The following MTARC2 variants were observed in gnomAD, a reference collection of about 807,000 sequenced individuals.
MTARC2 encodes the protein mitochondrial amidoxime reducing component 2, also known as MOCO sulphurase C-terminal domain containing 2.
Under a neutral mutation model 35.6 loss-of-function variants are expected in MTARC2, and 27 were observed. That is an observed-to-expected ratio of 0.76 (90% CI 0.56 to 1.04). MTARC2 has a LOEUF of 1.04. Ranked by LOEUF, MTARC2 falls within the 50% of genes least tolerant of loss-of-function variation. The pLI is 0.00. For missense variants in MTARC2, 412 were observed against 432.5 expected (o/e 0.95, Z 0.42); for synonymous variants, 158 against 167.1 (o/e 0.95, Z 0.42).
intron 4 of MTARC2, among the ~76,000 whole-genome samples, chr1:220,771,929 A>G (rs1244969336): frequency 2.0e-5 from 3 of 152,226 alleles, no homozygotes; most frequent in Non-Finnish European, 4.4e-5. Context: ...ATTAAAAAAA[A>G]TTCTTCATCA....
chr1:220,763,198 G>A, intron 4 of MTARC2, 148 bp downstream of exon 4: 1 of 1,181,620 alleles, frequency 8.5e-7, no homozygotes, highest in Non-Finnish European at 1.2e-6. Flanking sequence ...TTGCGGAGTT[G>A]TTCACCCATT....
intron 4 of MTARC2, chr1:220,770,588 C>T: frequency 1.0e-6 from 1 of 982,662 alleles, no homozygotes; most frequent in South Asian, 4.7e-5. Flanking sequence ...AGACCATGAC[C>T]CCCCATACCT....
chr1:220,774,954 C>CGTGT (rs143387283), intron 4 of MTARC2, among the ~76,000 whole-genome samples: 1 of 150,076 alleles, frequency 6.7e-6, no homozygotes, highest in African/African-American at 2.4e-5. Context: ...CGTGTGTGTG[C>CGTGT]GTGTGTGTGT....
intron 1 of MTARC2, among the ~76,000 whole-genome samples, chr1:220,750,553 C>T (rs938840166): frequency 7.2e-5 from 11 of 152,142 alleles, no homozygotes; most frequent in Admixed American, 3.9e-4. Context: ...AACTGTATTA[C>T]CTTTCCCTTG....
intron 4 of MTARC2, among the ~76,000 whole-genome samples, chr1:220,765,308 A>C (rs1402579640): frequency 6.6e-6 from 1 of 152,032 alleles, no homozygotes; most frequent in Non-Finnish European, 1.5e-5. Flanking sequence ...ATGGGGGTAA[A>C]GGAGAAATGT....
Position 220,782,040 on chromosome 1 carries a change from A to G in MTARC2, c.*31+108A>G. 5 of 971,144 alleles carry G rather than the reference A, an allele frequency of 5.1e-6. No individual in the cohort carries two copies. In the South Asian group the frequency reaches 6.4e-5, roughly 12 times the overall value. 60.2% of individuals were successfully genotyped at this position (971,144 alleles called of 1,614,324 possible). A position where few individuals can be genotyped will look rare whatever the true frequency, so the allele number is the denominator to read the frequency against. ...TGCTTTAATTCTTGAGAGAATGAAC[A>G]GTTTTATATTCTGATCTTTGGAGTT... On this transcript the variant is annotated intron_variant, in intron 7 of 7. Transcript: ENST00000366913.
intron 4 of MTARC2, among the ~76,000 whole-genome samples, chr1:220,771,751 C>T (rs1025887874): frequency 8.7e-5 from 13 of 149,392 alleles, no homozygotes; most frequent in Non-Finnish European, 1.5e-4. Flanking sequence ...CAGGGCCTCT[C>T]GGGGGGTGGG....
In MTARC2 at chr1:220,748,510, C is replaced by G. The variant is rs1431740299; in HGVS notation, c.-22C>G. ...GTCGCTGCCGGGTCTGTGCGCCGGT[C>G]CGCGCCCGCCCTCGCTCTGCCATGG... On this transcript the variant is annotated 5_prime_UTR_variant, in exon 1 of 8. Coordinates refer to ENST00000366913, the MANE Select transcript of MTARC2 (RefSeq NM_017898.5). The G allele has an allele frequency of 6.5e-6, 9 of 1,377,270 alleles. No individual in the cohort carries two copies. Among genetic ancestry groups the G allele is most frequent in the African/African-American group, 1.5e-5 (1 of 65,238 alleles). 85.3% of individuals were successfully genotyped at this position (1,377,270 alleles called of 1,614,324 possible).
chr1:220,771,328 C>T (rs1671739659), intron 4 of MTARC2, among the ~76,000 whole-genome samples: 1 of 140,878 alleles, frequency 7.1e-6, no homozygotes, highest in Non-Finnish European at 1.5e-5. Flanking sequence ...AAGCCTTAGG[C>T]TTCTGTCTTT....
In MTARC2 at chr1:220,774,947, G is replaced by GAGAGTGTGTGTGTC. The variant is rs1346162518; in HGVS notation, c.751-5071_751-5070insAGAGTGTGTGTGTC. On this transcript the variant is annotated intron_variant, in intron 4 of 7. Coordinates refer to ENST00000366913, the MANE Select transcript of MTARC2 (RefSeq NM_017898.5). The stretch of plus-strand genomic sequence containing the variant: ...CAATTGTGTGTCTATATAGACCCGT[G>GAGAGTGTGTGTGTC]TGTGTGCGTGTGTGTGTGTGTGTGT... 7.5e-3 allele frequency among the ~76,000 whole-genome samples: 1,133 copies of GAGAGTGTGTGTGTC among 150,160 alleles called. 19 individuals carry two copies. Among genetic ancestry groups the GAGAGTGTGTGTGTC allele is most frequent in the African/African-American group, 0.027 (1,074 of 40,084 alleles).
intron 4 of MTARC2, among the ~76,000 whole-genome samples, chr1:220,763,509 C>G (rs2102553542): frequency 6.6e-6 from 1 of 152,292 alleles, no homozygotes; most frequent in Non-Finnish European, 1.5e-5. Context: ...GGCCTGAGTT[C>G]TCTCCCAGGG....
rs1041611227 is a variant in MTARC2, at chr1:220,769,296, A to G, written c.750+6246A>G. The stretch of plus-strand genomic sequence containing the variant: ...CCTCACACAGCTTTCTTATCACTAC[A>G]CCCAGTGAGTAAGCGAGACACCCCT... On this transcript the variant is annotated intron_variant, in intron 4 of 7. Coordinates refer to ENST00000366913, the MANE Select transcript of MTARC2 (RefSeq NM_017898.5). 7.9e-5 allele frequency among the ~76,000 whole-genome samples: 12 copies of G among 152,306 alleles called. No individual in the cohort carries two copies. The Middle Eastern group carries it at 0.02, about 259-fold the overall frequency.
chr1:220,784,263 T>C lies in MTARC2; in HGVS notation c.*376T>C. 3.2e-6 allele frequency: 1 copy of C among 312,890 alleles called. No individual in the cohort carries two copies. The highest frequency in any genetic ancestry group is 5.9e-6 in the Non-Finnish European group (1 of 169,030). 19.4% of individuals were successfully genotyped at this position (312,890 alleles called of 1,614,324 possible). ...CAACTAAAAAGCTGCAAAAATGTTT[T>C]TAAAATGTGTGCCTTTTATTACCTA... On this transcript the variant is annotated 3_prime_UTR_variant, in exon 8 of 8. Transcript: ENST00000366913.
At chr1:220,776,497 T>G (rs907166538) in intron 4 of MTARC2, among the ~76,000 whole-genome samples, 2 of 152,188 alleles carry the variant, frequency 1.3e-5, no homozygotes, top group Non-Finnish European at 2.9e-5. Flanking sequence ...GCATAGTATT[T>G]TTTTTACTGC....
At chr1:220,774,646 C>CT (rs200782227) in intron 4 of MTARC2, among the ~76,000 whole-genome samples, 3,606 of 152,196 alleles carry the variant, frequency 0.024, 110 homozygotes, top group African/African-American at 0.064. Context: ...GGCTTGGTGG[C>CT]CTGGATCTAA....
intron 4 of MTARC2, among the ~76,000 whole-genome samples, chr1:220,766,037 C>T (rs1157301586): frequency 6.6e-6 from 1 of 152,080 alleles, no homozygotes; most frequent in African/African-American, 2.4e-5. Flanking sequence ...AGTGCAGGGA[C>T]CACGGGGGTC....
chr1:220,774,943 CCG>C (rs1671854055), intron 4 of MTARC2, among the ~76,000 whole-genome samples: 2 of 149,886 alleles, frequency 1.3e-5, no homozygotes, highest in East Asian at 1.9e-4. Context: ...CTATATAGAC[CCG>C]TGTGTGTGCG....
chr1:220,777,646 A>C (rs1671954919), intron 4 of MTARC2, among the ~76,000 whole-genome samples: 1 of 152,200 alleles, frequency 6.6e-6, no homozygotes, highest in Non-Finnish European at 1.5e-5. Flanking sequence ...TCCTACCTTG[A>C]GACCTGGACA....
rs1025586949 is a variant in MTARC2 at position 220,780,387 on chromosome 1, T to C, written c.884+148T>C. 7.9e-6 allele frequency: 5 copies of C among 632,636 alleles called. No homozygotes were observed. The South Asian group carries it at 9.4e-5, about 12-fold the overall frequency. 39.2% of individuals were successfully genotyped at this position (632,636 alleles called of 1,614,324 possible). A position where few individuals can be genotyped will look rare whatever the true frequency, so the allele number is the denominator to read the frequency against. On this transcript the variant is annotated intron_variant, in intron 6 of 7. Coordinates refer to ENST00000366913, the MANE Select transcript of MTARC2 (RefSeq NM_017898.5). ...CTACCTTCTGACTGATTCGCGTCTA[T>C]TGGTTAATGAGAGCACTGTTGCTTC...
Sources: gnomAD v4.1 joint callset for allele counts (sites outside exome capture counted in the v4.1 genomes callset) on GRCh38, gnomAD v4.1.1 for gene constraint, MANE v1.5 for transcripts, NCBI Gene and HGNC (gene_info 2026-07-23, HGNC 2026-07-21) for gene names.